RUBCN: variants seen among roughly 807,000 people sequenced by gnomAD.
RUBCN encodes run domain Beclin-1-interacting and cysteine-rich domain-containing protein.
Under a neutral mutation model 113.2 loss-of-function variants are expected in RUBCN, and 74 were observed. The ratio of observed to expected loss-of-function variants is 0.65; its 90% confidence interval spans 0.54 to 0.79. The LOEUF (loss-of-function observed/expected upper bound fraction) is 0.79. RUBCN is among the 30% of genes least tolerant of loss of function. The pLI is 0.00. For synonymous variants in RUBCN, 480 were observed against 490.0 expected (o/e 0.98, Z 0.27); for missense variants, 1,109 against 1,251.7 (o/e 0.89, Z 1.72).
At chr3:197,716,760 A>G (rs565285698) in intron 2 of RUBCN, among the ~76,000 whole-genome samples, 1 of 152,206 alleles carries the variant, frequency 6.6e-6, no homozygotes, top group African/African-American at 2.4e-5. Flanking sequence ...AGTCCTTAAG[A>G]GGGAGGTAGG....
At chr3:197,711,975 A>G (rs1725016410) in intron 2 of RUBCN, among the ~76,000 whole-genome samples, 1 of 152,296 alleles carries the variant, frequency 6.6e-6, no homozygotes, top group Non-Finnish European at 1.5e-5. Context: ...ACTTTCTTCT[A>G]AAGTCTTTTA....
intron 11 of RUBCN, among the ~76,000 whole-genome samples, chr3:197,688,685 A>G (rs766921732): frequency 6.6e-6 from 1 of 152,246 alleles, no homozygotes; most frequent in Non-Finnish European, 1.5e-5. Context: ...CTAAATCCAA[A>G]GAAGCTGAAA....
chr3:197,675,655 G>T lies in RUBCN; in HGVS notation c.2647-140C>A, dbSNP rs1421006122. The stretch of plus-strand genomic sequence containing the variant: ...AGGCCTGGGCTGGACTCAGAAGCAT[G>T]AAAGCTAAACTAGGACCAGGGCCGG... On this transcript the variant is annotated intron_variant, in intron 18 of 19. Coordinates refer to ENST00000296343, the MANE Select transcript of RUBCN (RefSeq NM_014687.4). This position sits in a 1 kb window ranked among gnomAD's most constrained non-coding sequence, Gnocchi z 4.4. 7 of 716,202 alleles carry T rather than the reference G, an allele frequency of 9.8e-6. No homozygotes were observed. Among genetic ancestry groups the T allele is most frequent in the Admixed American group, 2.0e-5 (1 of 50,010 alleles). The allele number at this position is 716,202 out of a possible 1,614,324, so 44.4% of individuals were successfully genotyped here. A position where few individuals can be genotyped will look rare whatever the true frequency, so the allele number is the denominator to read the frequency against.
At position 197,695,949 on chromosome 3, in the gene RUBCN, T is replaced by A; in HGVS notation, c.1390A>T (p.Met464Leu). 6.2e-7 allele frequency: 1 copy of A among 1,614,152 alleles called. No homozygotes were observed. Residue 464 changes from methionine (M) to leucine (L), a missense_variant, in exon 9 of 20, where the codon ATG becomes TTG. This residue lies in a region of RUBCN where 736 missense variants were observed against 779.6 expected (regional missense o/e 0.94). Coordinates refer to ENST00000296343, the MANE Select transcript of RUBCN (RefSeq NM_014687.4). ...TGTCCTTCTGATGGTCTTCGGAACATGCCTTCCCCTGAGCACAGGTACCGA... is the reference window on the plus strand; with the variant it reads ...TGTCCTTCTGATGGTCTTCGGAACAAGCCTTCCCCTGAGCACAGGTACCGA... ...GGRYLCSGEG[M>L]FRRPSEGQSL...
chr3:197,719,155 G>C (rs1309369235), intron 1 of RUBCN, among the ~76,000 whole-genome samples: 1 of 152,090 alleles, frequency 6.6e-6, no homozygotes, highest in Admixed American at 6.6e-5. Context: ...GATTCATTCT[G>C]TACTGATCTT....
intron 7 of RUBCN, chr3:197,699,155 A>G (rs772464964): frequency 2.0e-6 from 3 of 1,499,312 alleles, no homozygotes; most frequent in Non-Finnish European, 2.7e-6. Context: ...ACAAAACAGA[A>G]CAAAGAGGAG....
chr3:197,746,457 A>G (rs767426140), intron 1 of RUBCN, among the ~76,000 whole-genome samples: 2 of 152,234 alleles, frequency 1.3e-5, no homozygotes, highest in Non-Finnish European at 2.9e-5. Flanking sequence ...TGCTTGACTC[A>G]TGCCATATAG....
upstream of RUBCN, among the ~76,000 whole-genome samples, chr3:197,740,249 T>C (rs571790109): frequency 7.0e-6 from 1 of 143,628 alleles, no homozygotes; most frequent in East Asian, 2.1e-4. Flanking sequence ...TTTTTTTTTC[T>C]TTTGAGATGG....
intron 1 of RUBCN, among the ~76,000 whole-genome samples, chr3:197,720,085 G>A (rs953634352): frequency 1.1e-4 from 16 of 151,210 alleles, no homozygotes; most frequent in Non-Finnish European, 1.8e-4. Context: ...CCCTTCTCCC[G>A]CCTTACTGTG....
At chr3:197,741,591 G>A (rs1728525868), upstream of RUBCN, among the ~76,000 whole-genome samples, 2 of 152,160 alleles carry the variant, frequency 1.3e-5, no homozygotes, top group African/African-American at 2.4e-5. Context: ...AGCACCTTGG[G>A]AGGCCGAGGT....
chr3:197,745,434 G>C (rs748892184), intron 1 of RUBCN, among the ~76,000 whole-genome samples: 21 of 149,142 alleles, frequency 1.4e-4, no homozygotes, highest in Non-Finnish European at 2.7e-4. Flanking sequence ...TGACCAACAT[G>C]GTGAAACACT....
intron 7 of RUBCN, among the ~76,000 whole-genome samples, chr3:197,698,377 C>T (rs1723242023): frequency 6.6e-6 from 1 of 152,220 alleles, no homozygotes; most frequent in Admixed American, 6.5e-5. Flanking sequence ...CAGACACATT[C>T]CAGTGTTCAT....
At position 197,669,690 on chromosome 3, in the gene RUBCN, C is replaced by T. The variant is rs1254711885; in HGVS notation, c.*5328G>A. The stretch of plus-strand genomic sequence containing the variant: ...AAAGTGAATCACTAATTCCAGTCCA[C>T]CCTCAATGGGAGAAGGAATTAAACT... On this transcript the variant is annotated 3_prime_UTR_variant, in exon 20 of 20. Transcript: ENST00000296343. Among the ~76,000 whole-genome samples the T allele has an allele frequency of 2.6e-5, 4 of 152,150 alleles. No individual in the cohort carries two copies. Among genetic ancestry groups the T allele is most frequent in the Non-Finnish European group, 5.9e-5 (4 of 68,024 alleles).
chr3:197,718,773 C>T (rs1725822256), intron 1 of RUBCN, among the ~76,000 whole-genome samples: 1 of 152,120 alleles, frequency 6.6e-6, no homozygotes, highest in South Asian at 2.1e-4. Flanking sequence ...AGTACCTGCA[C>T]AATATACAAA....
rs571889872 is a variant in RUBCN, at chr3:197,715,277, G to A, written c.219+2700C>T. ...GCAACACAGCCTGGGCAACAAGAGC[G>A]AAACTCTATCTTGAAAAAAAAAAAA... On this transcript the variant is annotated intron_variant, in intron 2 of 19. Transcript: ENST00000296343. Among the ~76,000 whole-genome samples the A allele has an allele frequency of 1.3e-4, 16 of 124,612 alleles. No individual in the cohort carries two copies. In the South Asian group the frequency reaches 3.2e-3, roughly 25 times the overall value. The allele number at this position is 124,612 out of a possible 152,430, so 81.8% of individuals were successfully genotyped here.
rs1403584578 is a variant in RUBCN, at chr3:197,671,120, T to G, written c.*3898A>C. The stretch of plus-strand genomic sequence containing the variant: ...GCCCTCGCCTTCCAGGTTCAAGTGA[T>G]TCTCATGATTCAGCCTCCCGAGTAG... On this transcript the variant is annotated 3_prime_UTR_variant, in exon 20 of 20. Transcript: ENST00000296343. 6.6e-6 allele frequency among the ~76,000 whole-genome samples: 1 copy of G among 152,178 alleles called. No homozygotes were observed. The highest frequency in any genetic ancestry group is 2.4e-5 in the African/African-American group (1 of 41,452).
chr3:197,694,293 G>A (rs781479809), intron 10 of RUBCN, 82 bp downstream of exon 10: 8 of 1,180,634 alleles, frequency 6.8e-6, no homozygotes, highest in Admixed American at 5.0e-5. Context: ...TCTGACAGCA[G>A]AGGAACCACT....
intron 13 of RUBCN, among the ~76,000 whole-genome samples, chr3:197,682,833 G>A (rs1721401758): frequency 6.6e-6 from 1 of 152,144 alleles, no homozygotes; most frequent in South Asian, 2.1e-4. Flanking sequence ...GGGCTTCAGG[G>A]AACCTCAGAA....
chr3:197,675,553 G>T lies in RUBCN; in HGVS notation c.2647-38C>A. On this transcript the variant is annotated intron_variant, in intron 18 of 19. Coordinates refer to ENST00000296343, the MANE Select transcript of RUBCN (RefSeq NM_014687.4). The surrounding 1 kb of genome is among the most constrained non-coding windows in gnomAD (Gnocchi z 4.4). ...AACACAGATGGCAAAATGAGGAGCG[G>T]CACATCAGGAACTGGCACGGGAGGG... The T allele has an allele frequency of 1.3e-6, 2 of 1,504,122 alleles. No homozygotes were observed. Among genetic ancestry groups the T allele is most frequent in the Non-Finnish European group, 9.2e-7 (1 of 1,081,296 alleles). The allele number at this position is 1,504,122 out of a possible 1,614,324, so 93.2% of individuals were successfully genotyped here. A position where few individuals can be genotyped will look rare whatever the true frequency, so the allele number is the denominator to read the frequency against.
Sources: allele counts gnomAD v4.1 joint callset (sites outside exome capture counted in the v4.1 genomes callset), GRCh38; gene constraint gnomAD v4.1.1; regional missense constraint gnomAD v4.1.1; non-coding constraint Gnocchi (gnomAD v3.1); transcripts MANE v1.5; gene names NCBI Gene and HGNC (gene_info 2026-07-23, HGNC 2026-07-21).